PIK3CD: variants seen among roughly 807,000 people sequenced by gnomAD.
PIK3CD encodes the protein phosphatidylinositol-4,5-bisphosphate 3-kinase catalytic subunit delta, also known as phosphatidylinositol 4,5-bisphosphate 3-kinase catalytic subunit delta isoform.
Under a neutral mutation model 122.9 loss-of-function variants are expected in PIK3CD, and 20 were observed. The observed-to-expected ratio is 0.16, with a 90% CI of 0.11 to 0.24. The LOEUF (loss-of-function observed/expected upper bound fraction) is 0.24, where lower values mean the gene tolerates loss of function less well. PIK3CD is among the 10% of genes least tolerant of loss of function. The pLI is 1.00. For synonymous variants in PIK3CD, 596 were observed against 593.4 expected (o/e 1.00, Z -0.06); for missense variants, 787 against 1,406.3 (o/e 0.56, Z 7.04).
chr1:9,709,307 G>A (rs531566129), intron 2 of PIK3CD, among the ~76,000 whole-genome samples: 71 of 152,088 alleles, frequency 4.7e-4, no homozygotes, highest in African/African-American at 1.6e-3. Context: ...GCCTCCCAAA[G>A]TGCTGGGATT....
At chr1:9,661,143 C>T (rs1038951042) in intron 1 of PIK3CD, among the ~76,000 whole-genome samples, 62 of 152,234 alleles carry the variant, frequency 4.1e-4, no homozygotes, top group African/African-American at 1.5e-3. Flanking sequence ...TCGTGTTGGA[C>T]AGGCTGGTCT....
chr1:9,716,912 G>C (rs763597888), intron 6 of PIK3CD, 47 bp from the exon 7 acceptor site: 4 of 1,612,638 alleles, frequency 2.5e-6, no homozygotes, highest in Admixed American at 1.7e-5. Flanking sequence ...TGTCCAGGGA[G>C]TGGTTGGGGC....
the PIK3CD span, among the ~76,000 whole-genome samples, chr1:9,640,957 C>T: frequency 3.9e-5 from 6 of 152,190 alleles, no homozygotes; most frequent in South Asian, 2.1e-4. Context: ...GCTTCTCCTC[C>T]GTCAGTTCAT....
chr1:9,703,846 T>C (rs1249018340), intron 2 of PIK3CD, among the ~76,000 whole-genome samples: 1 of 152,202 alleles, frequency 6.6e-6, no homozygotes, highest in East Asian at 1.9e-4. Context: ...TTTTGATAAA[T>C]ATACATGTAT....
Position 9,720,626 on chromosome 1 carries a change from C to A in PIK3CD, c.1486C>A (p.Arg496=), listed in dbSNP as rs903288945. 150 of 1,533,806 alleles carry A rather than the reference C, an allele frequency of 9.8e-5. No individual in the cohort carries two copies. The highest frequency in any genetic ancestry group is 1.3e-4 in the Non-Finnish European group (144 of 1,145,282). The change falls in exon 12 of 24, where the codon CGA becomes AGA. Residue 496 remains arginine (R), a synonymous_variant. Transcript: ENST00000377346. This position sits in a 1 kb window ranked among gnomAD's most constrained non-coding sequence, Gnocchi z 9.0. The part of the protein sequence containing the change: ...PALEKILELG[R]HSECVHVTEE... ...TTTGTTGCAGATCTTGGAGCTGGGG[C>A]GACACAGCGAGTGTGTGCATGTCAC...
At chr1:9,630,588 G>C in the PIK3CD span, among the ~76,000 whole-genome samples, 26 of 152,368 alleles carry the variant, frequency 1.7e-4, no homozygotes, top group South Asian at 4.3e-3. Context: ...AGTAGACCAA[G>C]AGCTGGGAGG....
chr1:9,695,635 A>G (rs1409014834), intron 2 of PIK3CD, among the ~76,000 whole-genome samples: 3 of 152,278 alleles, frequency 2.0e-5, no homozygotes, highest in East Asian at 3.9e-4. Flanking sequence ...CTAGGTCAGG[A>G]GTTCAAGACC....
rs781543357 is a variant in PIK3CD, at chr1:9,720,070, T to A, written c.1340-42T>A. 1 of 1,613,318 alleles carries A rather than the reference T, an allele frequency of 6.2e-7. No individual in the cohort carries two copies. The highest frequency in any genetic ancestry group is 8.5e-7 in the Non-Finnish European group (1 of 1,179,976). ...GTTGGGAGTGTGAGGGTCCCAGAGA[T>A]GCTGGTCACCCCTCTACAACTTCAT... is the stretch of plus-strand genomic sequence containing the variant. On this transcript the variant is annotated intron_variant, in intron 10 of 23. Transcript: ENST00000377346. The surrounding 1 kb of genome is among the most constrained non-coding windows in gnomAD (Gnocchi z 9.0).
chr1:9,705,901 G>T (rs147626148), intron 2 of PIK3CD, among the ~76,000 whole-genome samples: 1 of 152,276 alleles, frequency 6.6e-6, no homozygotes, highest in Non-Finnish European at 1.5e-5. Context: ...GGACAGTGTG[G>T]TGATATTTAG....
the PIK3CD span, among the ~76,000 whole-genome samples, chr1:9,641,390 C>G: frequency 6.6e-6 from 1 of 152,164 alleles, no homozygotes; most frequent in Non-Finnish European, 1.5e-5. Flanking sequence ...GAACCCTCCC[C>G]CAGCCCTGGG....
At position 9,652,325 on chromosome 1, in the gene PIK3CD, T is replaced by A. The variant is rs1041734219; in HGVS notation, c.-138+523T>A. Among the ~76,000 whole-genome samples the A allele has an allele frequency of 2.6e-5, 4 of 151,864 alleles. No individual in the cohort carries two copies. The highest frequency in any genetic ancestry group is 5.9e-5 in the Non-Finnish European group (4 of 67,932). On this transcript the variant is annotated intron_variant, in intron 1 of 23. Transcript: ENST00000377346. This position sits in a 1 kb window ranked among gnomAD's most constrained non-coding sequence, Gnocchi z 6.2. ...GCGCGGAGAGAGGGCTGCGCACAGT[T>A]CGCCGGCGCCCGGGTCCTGTGCGCC... is the stretch of plus-strand genomic sequence containing the variant.
In PIK3CD at chr1:9,658,521, A is replaced by ATTTTTTTTTTTT. The variant is rs1165670404; in HGVS notation, c.-138+6731_-138+6742dup. ...CTGAACTGGGTTTTTTCCCAGCCACATTTTTTTTTTTTTTTTTTTTTTTGG... is the reference window on the plus strand; with the variant it reads ...CTGAACTGGGTTTTTTCCCAGCCACATTTTTTTTTTTTTTTTTTTTTTTTTTTTTTTTTTTGG... On this transcript the variant is annotated intron_variant, in intron 1 of 23. Coordinates refer to ENST00000377346, the MANE Select transcript of PIK3CD (RefSeq NM_005026.5). 4.4e-5 allele frequency among the ~76,000 whole-genome samples: 4 copies of ATTTTTTTTTTTT among 91,176 alleles called. 1 individual carries two copies. The highest frequency in any genetic ancestry group is 2.1e-4 in the African/African-American group (4 of 19,346). 59.8% of individuals were successfully genotyped at this position (91,176 alleles called of 152,430 possible).
Position 9,724,347 on chromosome 1 carries a change from C to T in PIK3CD, c.2790C>T (p.Val930=), listed in dbSNP as rs1372218287. 1 of 1,614,124 alleles carries T rather than the reference C, an allele frequency of 6.2e-7. No individual in the cohort carries two copies. Among genetic ancestry groups the T allele is most frequent in the African/African-American group, 1.3e-5 (1 of 75,052 alleles). The change falls in exon 22 of 24, where the codon GTC becomes GTT. Residue 930 remains valine (V), a synonymous_variant. Coordinates refer to ENST00000377346, the MANE Select transcript of PIK3CD (RefSeq NM_005026.5). The surrounding 1 kb of genome is among the most constrained non-coding windows in gnomAD (Gnocchi z 7.3). The part of the protein sequence containing the change: ...KTKFGINRER[V]PFILTYDFVH... ...AGTTTGGAATCAACCGCGAGCGTGT[C>T]CCATTCATCCTCACCTACGACTTTG...
In PIK3CD at chr1:9,703,578, T is replaced by G. The variant is rs570533494; in HGVS notation, c.-32-6846T>G. Among the ~76,000 whole-genome samples the G allele has an allele frequency of 3.3e-5, 5 of 152,384 alleles. No individual in the cohort carries two copies. The South Asian group carries it at 1.0e-3, about 32-fold the overall frequency. ...TAGATTTATTAATTCTGCCTGTGTTTGTTTCTTTGTACAGTTGGAATCATG... is the reference window on the plus strand; with the variant it reads ...TAGATTTATTAATTCTGCCTGTGTTGGTTTCTTTGTACAGTTGGAATCATG... On this transcript the variant is annotated intron_variant, in intron 2 of 23. Transcript: ENST00000377346.
At chr1:9,654,269 G>A (rs567740349) in intron 1 of PIK3CD, 1 of 1,367,756 alleles carries the variant, frequency 7.3e-7, no homozygotes, top group East Asian at 4.5e-5. Flanking sequence ...CTTCTGGCAG[G>A]AAAAGCGCGT....
Position 9,710,449 on chromosome 1 carries a change from A to AT in PIK3CD, c.-7_-6insT. Reference sequence around the variant, plus strand: ...GACAACTGTCATCTGGGAAGTAACAACGCAGGATGCCCCCTGGGGTGGACT... The same window carrying AT: ...GACAACTGTCATCTGGGAAGTAACAATCGCAGGATGCCCCCTGGGGTGGACT... On this transcript the variant is annotated 5_prime_UTR_variant, in exon 3 of 24. Coordinates refer to ENST00000377346, the MANE Select transcript of PIK3CD (RefSeq NM_005026.5). The surrounding 1 kb of genome is among the most constrained non-coding windows in gnomAD (Gnocchi z 4.7). 6.2e-7 allele frequency: 1 copy of AT among 1,614,058 alleles called. No homozygotes were observed. Among genetic ancestry groups the AT allele is most frequent in the Non-Finnish European group, 8.5e-7 (1 of 1,179,960 alleles).
At chr1:9,650,650 A>C (rs942974113), upstream of PIK3CD, among the ~76,000 whole-genome samples, 5 of 151,974 alleles carry the variant, frequency 3.3e-5, no homozygotes, top group African/African-American at 1.2e-4. Context: ...AAGAAAAAGA[A>C]AGAAAAGAAA....
chr1:9,724,794 C>T lies in PIK3CD; in HGVS notation c.2865-10C>T, dbSNP rs1020881938. The T allele has an allele frequency of 6.2e-7, 1 of 1,612,546 alleles. No individual in the cohort carries two copies. The highest frequency in any genetic ancestry group is 8.5e-7 in the Non-Finnish European group (1 of 1,180,020). On this transcript the variant is annotated splice_polypyrimidine_tract_variant and intron_variant, in intron 22 of 23. Transcript: ENST00000377346. This position sits in a 1 kb window ranked among gnomAD's most constrained non-coding sequence, Gnocchi z 7.3. Reference sequence around the variant, plus strand: ...CCCAGAGCCTCACTTCCTCTGTCCCCTACCTGCAGGTTCCGGGGCTACTGT... The same window carrying T: ...CCCAGAGCCTCACTTCCTCTGTCCCTTACCTGCAGGTTCCGGGGCTACTGT...
the PIK3CD span, among the ~76,000 whole-genome samples, chr1:9,639,347 G>T: frequency 1.2e-4 from 18 of 152,192 alleles, no homozygotes; most frequent in African/African-American, 4.3e-4. Flanking sequence ...TGGAGCAGGA[G>T]CACCCTAGGT....
Sources: gnomAD v4.1 joint callset for allele counts (sites outside exome capture counted in the v4.1 genomes callset) on GRCh38, gnomAD v4.1.1 for gene constraint, Gnocchi (gnomAD v3.1) non-coding constraint, MANE v1.5 for transcripts, NCBI Gene and HGNC (gene_info 2026-07-23, HGNC 2026-07-21) for gene names.